Variants in CNTNAP3B observed in about 807,000 individuals in gnomAD.
CNTNAP3B encodes the protein contactin-associated protein-like 3B.
A neutral mutation model predicts 108.9 loss-of-function variants in CNTNAP3B; 25 were observed. That is an observed-to-expected ratio of 0.23 (90% confidence interval 0.17 to 0.32). The LOEUF (loss-of-function observed/expected upper bound fraction) is 0.32, where lower values mean the gene tolerates loss of function less well. Ranked by LOEUF, CNTNAP3B falls within the 10% of genes least tolerant of loss-of-function variation. The pLI, the probability that CNTNAP3B is intolerant of heterozygous loss-of-function variation, is 1.00. For missense variants in CNTNAP3B, 252 were observed against 1,210.4 expected, an observed-to-expected ratio of 0.21 and a Z score of 11.75; for synonymous variants, 103 against 473.4, an observed-to-expected ratio of 0.22 and a Z score of 10.16.
At chr9:41,932,676 C>CGCTCA (rs1824016284) in intron 14 of CNTNAP3B, among the ~76,000 whole-genome samples, 2 of 152,118 alleles carry the variant, frequency 1.3e-5, no homozygotes, top group African/African-American at 4.8e-5. Context: ...TGCGCCACTA[C>CGCTCA]GCTCAGCTAA....
chr9:41,997,319 C>A (rs1355426574), intron 6 of CNTNAP3B, among the ~76,000 whole-genome samples: 2 of 152,188 alleles, frequency 1.3e-5, no homozygotes, highest in Non-Finnish European at 2.9e-5. Context: ...ATGCTTGCTA[C>A]CTTGGTATTT....
chr9:41,923,718 T>C (rs1823730456), intron 16 of CNTNAP3B: 2 of 981,666 alleles, frequency 2.0e-6, no homozygotes, highest in Non-Finnish European at 3.0e-6. Flanking sequence ...GCCAAGATAA[T>C]GCCACTGCAC....
At chr9:42,034,252 A>G (rs1826582238) in intron 3 of CNTNAP3B, among the ~76,000 whole-genome samples, 1 of 124,064 alleles carries the variant, frequency 8.1e-6, no homozygotes, top group South Asian at 2.6e-4. Flanking sequence ...CTTAGAGTGA[A>G]CCATGTGGAA....
chr9:41,935,385 C>T (rs1179380047), intron 14 of CNTNAP3B, among the ~76,000 whole-genome samples: 2 of 152,272 alleles, frequency 1.3e-5, no homozygotes, highest in African/African-American at 2.4e-5. Flanking sequence ...TACTTTCATT[C>T]CCAAATACTA....
chr9:42,118,600 C>T (rs1240221997), intron 1 of CNTNAP3B, among the ~76,000 whole-genome samples: 3 of 121,090 alleles, frequency 2.5e-5, no homozygotes, highest in Non-Finnish European at 3.4e-5. Context: ...GGAAGCATTC[C>T]CTTTGAAAAC....
At chr9:41,928,703 G>T (rs1429085269) in intron 15 of CNTNAP3B, among the ~76,000 whole-genome samples, 3 of 151,464 alleles carry the variant, frequency 2.0e-5, no homozygotes, top group Admixed American at 6.6e-5. Flanking sequence ...ATGCTAGTGG[G>T]TAAGAAACAC....
chr9:41,939,389 G>C (rs1478870727), intron 13 of CNTNAP3B, among the ~76,000 whole-genome samples: 3 of 152,302 alleles, frequency 2.0e-5, no homozygotes, highest in African/African-American at 7.2e-5. Context: ...TCGAGATCTG[G>C]AACTTAGCTT....
chr9:42,115,191 T>C (rs1406223208), intron 1 of CNTNAP3B, among the ~76,000 whole-genome samples: 4 of 138,768 alleles, frequency 2.9e-5, no homozygotes, highest in Non-Finnish European at 6.2e-5. Flanking sequence ...TGTATACTCA[T>C]AAGAAAAAAC....
chr9:42,097,689 T>C (rs902413801), intron 2 of CNTNAP3B, among the ~76,000 whole-genome samples: 3 of 137,258 alleles, frequency 2.2e-5, no homozygotes, highest in Non-Finnish European at 3.1e-5. Flanking sequence ...GAAATATATA[T>C]TGCCTTTACT....
intron 13 of CNTNAP3B, among the ~76,000 whole-genome samples, chr9:41,941,281 A>G (rs1331751030): frequency 6.7e-6 from 1 of 149,034 alleles, no homozygotes; most frequent in Non-Finnish European, 1.5e-5. Context: ...AACTGAAAAA[A>G]AAATAACACA....
intron 11 of CNTNAP3B, among the ~76,000 whole-genome samples, chr9:41,963,542 C>A (rs1352419299): frequency 6.6e-6 from 1 of 150,434 alleles, no homozygotes; most frequent in Non-Finnish European, 1.5e-5. Context: ...TAGAATATGC[C>A]ATCCCTTAGA....
intron 12 of CNTNAP3B, among the ~76,000 whole-genome samples, chr9:41,955,623 T>C (rs1824833845): frequency 1.3e-5 from 2 of 152,258 alleles, no homozygotes; most frequent in Admixed American, 1.3e-4. Flanking sequence ...CTCGACCTCC[T>C]GGGCTCAAGT....
intron 12 of CNTNAP3B, among the ~76,000 whole-genome samples, chr9:41,954,714 C>T (rs1399034066): frequency 2.0e-5 from 3 of 152,224 alleles, no homozygotes; most frequent in African/African-American, 4.8e-5. Flanking sequence ...ATAAGAGTCT[C>T]GCTCTGTTGC....
chr9:42,030,838 G>GAGAGAGAA (rs1826512421), intron 3 of CNTNAP3B, among the ~76,000 whole-genome samples: 1 of 125,930 alleles, frequency 7.9e-6, no homozygotes, highest in Admixed American at 7.9e-5. Context: ...GAGAGAGAGA[G>GAGAGAGAA]AGAGAGAGAT....
At chr9:42,097,254 G>T (rs1274736156) in intron 2 of CNTNAP3B, among the ~76,000 whole-genome samples, 1 of 140,346 alleles carries the variant, frequency 7.1e-6, no homozygotes, top group Non-Finnish European at 1.5e-5. Context: ...TCTGGCAGGA[G>T]TGCACAGCAG....
rs2118413641 is a variant in CNTNAP3B at position 42,012,050 on chromosome 9, T to C, written c.538+1328A>G. On this transcript the variant is annotated intron_variant, in intron 4 of 23. Transcript: ENST00000377561. ...CTTCCTGGAATCAGGCACAGGGCTT[T>C]GATCTTCCTGGTACCAACCTCCAGC... 2.0e-5 allele frequency among the ~76,000 whole-genome samples: 2 copies of C among 98,856 alleles called. 1 individual carries two copies. Among genetic ancestry groups the C allele is most frequent in the African/African-American group, 7.6e-5 (2 of 26,278 alleles). 64.9% of individuals were successfully genotyped at this position (98,856 alleles called of 152,430 possible).
rs573229138 is a variant in CNTNAP3B, at chr9:42,055,175, A to G, written c.390+21694T>C. ...AATTGAAAAGCCATACGATTCACATAGTTCAAACCATATCTACATCCATTT... is the reference window on the plus strand; with the variant it reads ...AATTGAAAAGCCATACGATTCACATGGTTCAAACCATATCTACATCCATTT... On this transcript the variant is annotated intron_variant, in intron 3 of 23. Coordinates refer to ENST00000377561, the MANE Select transcript of CNTNAP3B (RefSeq NM_001201380.3). Among the ~76,000 whole-genome samples, 14 of 139,422 alleles carry G rather than the reference A, an allele frequency of 1.0e-4. No individual in the cohort carries two copies. In the East Asian group the frequency reaches 3.0e-3, roughly 30 times the overall value. The allele number at this position is 139,422 out of a possible 152,430, so 91.5% of individuals were successfully genotyped here. A position where few individuals can be genotyped will look rare whatever the true frequency, so the allele number is the denominator to read the frequency against.
chr9:41,925,323 G>A (rs531902886), intron 15 of CNTNAP3B, among the ~76,000 whole-genome samples: 26 of 152,290 alleles, frequency 1.7e-4, no homozygotes, highest in East Asian at 5.8e-4. Context: ...GCTAGGCGCA[G>A]TGGCTCACGC....
At position 42,108,410 on chromosome 9, in the gene CNTNAP3B, T is replaced by G. The variant is rs574469491; in HGVS notation, c.86-3671A>C. On this transcript the variant is annotated intron_variant, in intron 1 of 23. Transcript: ENST00000377561. The stretch of plus-strand genomic sequence containing the variant: ...ATGTTTTATTCAGGGTTGTTTTATA[T>G]CTGTTCAAAAATGGTGGACTTCCTT... Among the ~76,000 whole-genome samples, 205 of 138,800 alleles carry G rather than the reference T, an allele frequency of 1.5e-3. 22 individuals are homozygous for G. Among genetic ancestry groups the G allele is most frequent in the Non-Finnish European group, 6.2e-4 (40 of 64,836 alleles). 91.1% of individuals were successfully genotyped at this position (138,800 alleles called of 152,430 possible). A position where few individuals can be genotyped will look rare whatever the true frequency, so the allele number is the denominator to read the frequency against.
Sources: gnomAD v4.1 joint callset for allele counts (sites outside exome capture counted in the v4.1 genomes callset) on GRCh38, gnomAD v4.1.1 for gene constraint, MANE v1.5 for transcripts, NCBI Gene and HGNC (gene_info 2026-07-23, HGNC 2026-07-21) for gene names.